The following OR2T27 variants were observed in gnomAD, a reference collection of about 807,000 sequenced individuals.
OR2T27 encodes the protein olfactory receptor family 2 subfamily T member 27.
For missense variants in OR2T27, 152 were observed against 397.2 expected (o/e 0.38, Z 5.25); for synonymous variants, 51 against 152.9 (o/e 0.33, Z 4.92).
At position 248,650,821 on chromosome 1, in the gene OR2T27, G is replaced by A. The variant is rs145929396; in HGVS notation, c.64C>T (p.Arg22Cys). 5.8e-5 allele frequency: 94 copies of A among 1,610,358 alleles called. No homozygotes were observed. The highest frequency in any genetic ancestry group is 1.3e-4 in the Admixed American group (8 of 59,696). ...AGGGCAAAGAGAAGCCAGGGGAAAC[G>A]GGCGTTGCTGAACAAACCCAGAAGG... ...FILLGLFSNA[R>C]FPWLLFALIL... The change falls in exon 2 of 2, where the codon CGT becomes TGT. Residue 22 changes from arginine (R) to cysteine (C), a missense_variant. Transcript: ENST00000460972.
intron 1 of OR2T27, among the ~76,000 whole-genome samples, chr1:248,651,969 A>T (rs1331610081): frequency 2.0e-5 from 3 of 150,890 alleles, no homozygotes; most frequent in Non-Finnish European, 4.4e-5. Context: ...TATTTGGATA[A>T]TATAGATTAA....
chr1:248,655,414 G>T (rs1341075254), intron 1 of OR2T27, 30 bp downstream of exon 1: 1 of 94,804 alleles, frequency 1.1e-5, no homozygotes, highest in Non-Finnish European at 2.5e-5. Flanking sequence ...AGCATCCTGC[G>T]ATTGATCAGC....
chr1:248,653,479 G>A (rs1293375211), intron 1 of OR2T27, among the ~76,000 whole-genome samples: 1 of 130,774 alleles, frequency 7.6e-6, no homozygotes, highest in Non-Finnish European at 1.7e-5. Flanking sequence ...AGAGAATATT[G>A]CTGTGATTGA....
At position 248,650,181 on chromosome 1, in the gene OR2T27, C is replaced by A; in HGVS notation, c.704G>T (p.Gly235Val). The change falls in exon 2 of 2, where the codon GGA (glycine) becomes GTA (valine). Residue 235 changes from glycine to valine, a missense_variant. By Grantham distance (109) the Gly-to-Val change is moderately radical (BLOSUM62 -3). Transcript: ENST00000460972. ...VYRMSEAEGR[G>V]KAVATCSSHM... ...TGAGGAGCAGGTGGCCACAGCCTTT[C>A]CCCTCCCCTCTGCCTCGCTCATCCT... is the stretch of plus-strand genomic sequence containing the variant. 1 of 1,562,096 alleles carries A rather than the reference C, an allele frequency of 6.4e-7. No homozygotes were observed. The highest frequency in any genetic ancestry group is 1.4e-5 in the African/African-American group (1 of 71,840).
intron 1 of OR2T27, among the ~76,000 whole-genome samples, chr1:248,653,697 TCA>T (rs1292245476): frequency 1.8e-4 from 15 of 83,440 alleles, no homozygotes; most frequent in African/African-American, 4.3e-4. Context: ...GTATCAAAAC[TCA>T]CAATATGGAT....
chr1:248,654,888 CA>C (rs928391548), intron 1 of OR2T27, among the ~76,000 whole-genome samples: 1 of 19,666 alleles, frequency 5.1e-5, no homozygotes, highest in African/African-American at 5.6e-5. Context: ...TGCTACATGA[CA>C]TGGTTTTTAA....
At chr1:248,652,870 T>G (rs891568640) in intron 1 of OR2T27, among the ~76,000 whole-genome samples, 3 of 151,124 alleles carry the variant, frequency 2.0e-5, no homozygotes, top group Admixed American at 6.6e-5. Context: ...TTTTAAAAAC[T>G]GTTAAACCAG....
rs1275282603 is a variant in OR2T27 at position 248,650,270 on chromosome 1, C to CAT, written c.613_614dup (p.Met205IlefsTer2). 1.1e-6 allele frequency: 1 copy of CAT among 919,250 alleles called. No homozygotes were observed. The highest frequency in any genetic ancestry group is 1.5e-5 in the African/African-American group (1 of 68,142). The allele number at this position is 919,250 out of a possible 1,614,324, so 56.9% of individuals were successfully genotyped here. A position where few individuals can be genotyped will look rare whatever the true frequency, so the allele number is the denominator to read the frequency against. On this transcript the variant is annotated frameshift_variant, in exon 2 of 2. Coordinates refer to ENST00000460972, the MANE Select transcript of OR2T27 (RefSeq NM_001001824.2). LOFTEE classifies it low-confidence loss of function (END_TRUNC). Reference sequence around the variant, plus strand: ...TGACAGAGAAAGGGATGAGGAGCATCATAATACAGCAGACATACATGGCTG... The same window carrying CAT: ...TGACAGAGAAAGGGATGAGGAGCATCATATAATACAGCAGACATACATGGCTG...
intron 1 of OR2T27, among the ~76,000 whole-genome samples, chr1:248,652,925 A>C (rs570912020): frequency 5.5e-4 from 79 of 144,346 alleles, no homozygotes; most frequent in African/African-American, 1.9e-3. Flanking sequence ...CGTATGATGG[A>C]GAGTGCTGAA....
In OR2T27 at chr1:248,650,110, A is replaced by ATG. The variant is rs373487730; in HGVS notation, c.773_774dup (p.Tyr259HisfsTer57). ...GTGTGGTAAGAATGAGGCAGCACGT[A>ATG]TGTGTACATGGCAGCCCCATAGAAG... is the stretch of plus-strand genomic sequence containing the variant. On this transcript the variant is annotated frameshift_variant, in exon 2 of 2. Transcript: ENST00000460972. LOFTEE classifies it low-confidence loss of function (END_TRUNC). 8 of 1,569,974 alleles carry ATG rather than the reference A, an allele frequency of 5.1e-6. 2 individuals carry two copies. Among genetic ancestry groups the ATG allele is most frequent in the Non-Finnish European group, 7.0e-6 (8 of 1,150,508 alleles).
chr1:248,653,368 GC>G (rs1661060099), intron 1 of OR2T27, among the ~76,000 whole-genome samples: 1 of 132,100 alleles, frequency 7.6e-6, no homozygotes, highest in Non-Finnish European at 1.7e-5. Context: ...ACTGGATTAT[GC>G]CATGCCCCAT....
intron 1 of OR2T27, among the ~76,000 whole-genome samples, chr1:248,652,261 A>G (rs182868676): frequency 6.6e-6 from 1 of 151,578 alleles, no homozygotes; most frequent in East Asian, 2.0e-4. Flanking sequence ...AGTGATTCGT[A>G]AATTTTACGT....
chr1:248,653,629 T>C (rs1228152158), intron 1 of OR2T27, among the ~76,000 whole-genome samples: 1 of 56,384 alleles, frequency 1.8e-5, no homozygotes, highest in African/African-American at 3.2e-5. Flanking sequence ...TGTTAAATGC[T>C]TAACAGTAAG....
At chr1:248,653,192 A>AT (rs1325088089) in intron 1 of OR2T27, among the ~76,000 whole-genome samples, 4 of 143,054 alleles carry the variant, frequency 2.8e-5, no homozygotes, top group African/African-American at 1.0e-4. Flanking sequence ...GACCCTGGGG[A>AT]TCTCCCCAGC....
intron 1 of OR2T27, among the ~76,000 whole-genome samples, chr1:248,653,392 T>G (rs1167051473): frequency 7.0e-6 from 1 of 141,988 alleles, no homozygotes; most frequent in African/African-American, 2.5e-5. Context: ...AATAACTGTC[T>G]ATGCATAATT....
In OR2T27 at chr1:248,650,078, C is replaced by G. The variant is rs751281848; in HGVS notation, c.807G>C (p.Glu269Asp). ...YVLPHSYHTP[E>D]QDKAVSAFYT... ...AGAAGGCAGATACAGCTTTGTCCTG[C>G]TCAGGGGTGTGGTAAGAATGAGGCA... is the stretch of plus-strand genomic sequence containing the variant. Residue 269 changes from glutamate (E) to aspartate (D), a missense_variant, in exon 2 of 2, where the codon GAG (glutamate) becomes GAC (aspartate). Transcript: ENST00000460972. The G allele has an allele frequency of 6.4e-7, 1 of 1,573,614 alleles. No homozygotes were observed. The highest frequency in any genetic ancestry group is 8.7e-7 in the Non-Finnish European group (1 of 1,153,912).
In OR2T27 at chr1:248,650,904, A is replaced by G. The variant is rs766899977; in HGVS notation, c.-4-16T>C. 5 of 1,413,780 alleles carry G rather than the reference A, an allele frequency of 3.5e-6. No individual in the cohort carries two copies. Among genetic ancestry groups the G allele is most frequent in the Non-Finnish European group, 4.8e-6 (5 of 1,042,552 alleles). The allele number at this position is 1,413,780 out of a possible 1,614,324, so 87.6% of individuals were successfully genotyped here. On this transcript the variant is annotated splice_polypyrimidine_tract_variant and intron_variant, in intron 1 of 1. Transcript: ENST00000460972. ...CTCCATAGCTCTGTAGGGTACACAA[A>G]AGAGATATGACAAAGTTGGAAAGGT...
chr1:248,652,559 C>G (rs2103116399), intron 1 of OR2T27, among the ~76,000 whole-genome samples: 1 of 127,428 alleles, frequency 7.8e-6, no homozygotes, highest in East Asian at 2.4e-4. Flanking sequence ...ACCACAGGTG[C>G]ACTTTCAGAA....
chr1:248,655,324 T>C (rs1259492970), intron 1 of OR2T27, 120 bp downstream of exon 1: 3 of 137,836 alleles, frequency 2.2e-5, no homozygotes, highest in South Asian at 5.1e-4. Flanking sequence ...CAGTTCAAAG[T>C]CAGATGTATC....
Sources: allele counts gnomAD v4.1 joint callset (sites outside exome capture counted in the v4.1 genomes callset), GRCh38; gene constraint gnomAD v4.1.1; transcripts MANE v1.5; gene names NCBI Gene and HGNC (gene_info 2026-07-23, HGNC 2026-07-21).